Variants in OGFR observed in about 807,000 individuals in gnomAD.
OGFR encodes the protein protein 7-60.
Under a neutral mutation model 33.6 loss-of-function variants are expected in OGFR, and 18 were observed. The ratio of observed to expected loss-of-function variants is 0.54; its 90% CI spans 0.37 to 0.80. The LOEUF (loss-of-function observed/expected upper bound fraction) is 0.80. Among genes scored for constraint, OGFR ranks in the 30% least tolerant of loss-of-function variants. The pLI, the probability that OGFR is intolerant of heterozygous loss-of-function variation, is 0.00. For missense variants in OGFR, 877 were observed against 955.8 expected, an observed-to-expected ratio of 0.92 and a Z score of 1.09; for synonymous variants, 370 against 400.7, an observed-to-expected ratio of 0.92 and a Z score of 0.91.
rs767179485 is a variant in OGFR, at chr20:62,813,783, TGG to T, written c.*137_*138del. ...CATGACCCACAGTGCTGGCCTCCTG[TGG>T]GGCCACTATAGCAGCCACCAGAAGC... is the stretch of plus-strand genomic sequence containing the variant. On this transcript the variant is annotated 3_prime_UTR_variant, in exon 7 of 7. Transcript: ENST00000290291. The T allele has an allele frequency of 3.1e-5, 33 of 1,075,844 alleles. No homozygotes were observed. Among genetic ancestry groups the T allele is most frequent in the Middle Eastern group, 2.8e-4 (1 of 3,554 alleles). 66.6% of individuals were successfully genotyped at this position (1,075,844 alleles called of 1,614,324 possible). A position where few individuals can be genotyped will look rare whatever the true frequency, so the allele number is the denominator to read the frequency against.
Position 62,812,468 on chromosome 20 carries a change from G to A in OGFR, c.853G>A (p.Val285Ile), listed in dbSNP as rs376284025. The change falls in exon 7 of 7, where the codon GTC becomes ATC. Residue 285 changes from valine (V) to isoleucine (I), a missense_variant. Transcript: ENST00000290291. ...GCACTTCCGGCCCCGCTGCAAGTTC[G>A]TCTGGGGGCCCCAAGACAAGCTGCG... ...WEHFRPRCKF[V>I]WGPQDKLRRF... The A allele has an allele frequency of 1.6e-4, 258 of 1,579,048 alleles. No individual in the cohort carries two copies. Among genetic ancestry groups the A allele is most frequent in the East Asian group, 2.1e-4 (9 of 43,048 alleles).
chr20:62,807,649 G>C, intron 2 of OGFR, 44 bp downstream of exon 2: 1 of 1,581,310 alleles, frequency 6.3e-7, no homozygotes, highest in Non-Finnish European at 8.7e-7. Context: ...CCTCCCGCCA[G>C]CTGCTCTTCT....
chr20:62,808,645 A>G (rs1332490343), intron 3 of OGFR, among the ~76,000 whole-genome samples: 3 of 152,208 alleles, frequency 2.0e-5, no homozygotes, highest in African/African-American at 4.8e-5. Flanking sequence ...CCAACGAGCT[A>G]AGGATAGCTT....
At position 62,813,791 on chromosome 20, in the gene OGFR, C is replaced by T. The variant is rs1351104027; in HGVS notation, c.*142C>T. On this transcript the variant is annotated 3_prime_UTR_variant, in exon 7 of 7. Transcript: ENST00000290291. ...ACAGTGCTGGCCTCCTGTGGGGCCACTATAGCAGCCACCAGAAGCCGCGAG... is the reference window on the plus strand; with the variant it reads ...ACAGTGCTGGCCTCCTGTGGGGCCATTATAGCAGCCACCAGAAGCCGCGAG... The T allele has an allele frequency of 2.0e-6, 2 of 986,030 alleles. No individual in the cohort carries two copies. The highest frequency in any genetic ancestry group is 3.3e-5 in the African/African-American group (2 of 61,174). 61.1% of individuals were successfully genotyped at this position (986,030 alleles called of 1,614,324 possible). A position where few individuals can be genotyped will look rare whatever the true frequency, so the allele number is the denominator to read the frequency against.
chr20:62,808,352 C>T (rs773339232), intron 3 of OGFR, 27 bp downstream of exon 3: 100 of 1,573,962 alleles, frequency 6.4e-5, no homozygotes, highest in Admixed American at 1.3e-4. Flanking sequence ...CACTGGCAGC[C>T]GGCGCTTCCA....
chr20:62,807,783 C>T, intron 2 of OGFR, 178 bp downstream of exon 2: 5 of 646,220 alleles, frequency 7.7e-6, no homozygotes, highest in Middle Eastern at 4.2e-4. Flanking sequence ...CCCTTCCCCT[C>T]TCGCGGGAGA....
Position 62,810,547 on chromosome 20 carries a change from C to T in OGFR, c.447C>T (p.Leu149=). Residue 149 remains leucine, a synonymous_variant, in exon 5 of 7, where the codon CTC becomes CTT. Transcript: ENST00000290291. ...EPGVNWHAKP[L]TLREVEVFKS... ...GAGTGAACTGGCATGCCAAGCCCCT[C>T]ACGCTCAGGGAGGTCGAGGTGAGCC... 1 of 1,613,062 alleles carries T rather than the reference C, an allele frequency of 6.2e-7. No homozygotes were observed. Among genetic ancestry groups the T allele is most frequent in the Non-Finnish European group, 8.5e-7 (1 of 1,179,896 alleles).
In OGFR at chr20:62,813,332, G is replaced by A. The variant is rs1600779182; in HGVS notation, c.1717G>A (p.Glu573Lys). Residue 573 changes from glutamate (E) to lysine (K), a missense_variant, in exon 7 of 7, where the codon GAG becomes AAG. Glu to Lys is a moderately conservative substitution (Grantham distance 56, BLOSUM62 1). Around this residue, in one of 3 missense-constraint regions of OGFR, gnomAD observed 72 missense variants for 181.8 expected, o/e 0.40. Coordinates refer to ENST00000290291, the MANE Select transcript of OGFR (RefSeq NM_007346.4). ...CCGCCCGGCAGGACCTGCAGGGGAC[G>A]AGCCAGCCGAGAGCCCATCGGAGAC... The part of the protein sequence containing the change: ...GPRPAGPAGD[E>K]PAESPSETPG... 3.5e-6 allele frequency: 5 copies of A among 1,417,574 alleles called. No homozygotes were observed. The highest frequency in any genetic ancestry group is 3.8e-6 in the Non-Finnish European group (4 of 1,060,268). The allele number at this position is 1,417,574 out of a possible 1,614,324, so 87.8% of individuals were successfully genotyped here.
chr20:62,813,127 A>G lies in OGFR; in HGVS notation c.1512A>G (p.Thr504=), dbSNP rs1990776387. Residue 504 remains threonine, a synonymous_variant, in exon 7 of 7, where the codon ACA becomes ACG. Coordinates refer to ENST00000290291, the MANE Select transcript of OGFR (RefSeq NM_007346.4). ...GHSENGVEED[T]EGRTGPKEGT... ...GTGAGAACGGGGTTGAGGAGGACAC[A>G]GAAGGTCGAACGGGGCCCAAAGAAG... 1 of 1,579,992 alleles carries G rather than the reference A, an allele frequency of 6.3e-7. No homozygotes were observed. The highest frequency in any genetic ancestry group is 8.6e-7 in the Non-Finnish European group (1 of 1,163,048).
chr20:62,808,704 T>G (rs1990652859), intron 3 of OGFR, among the ~76,000 whole-genome samples: 3 of 152,152 alleles, frequency 2.0e-5, no homozygotes, highest in African/African-American at 7.2e-5. Context: ...CCGGGCCTGG[T>G]GGCTCACGCT....
intron 5 of OGFR, 96 bp from the exon 6 acceptor site, chr20:62,811,366 A>C: frequency 7.6e-7 from 1 of 1,314,250 alleles, no homozygotes; most frequent in Non-Finnish European, 1.1e-6. Context: ...TGTCTAGTCC[A>C]GGCCTCTGAG....
chr20:62,808,098 C>G, intron 2 of OGFR, 149 bp from the exon 3 acceptor site: 1 of 735,750 alleles, frequency 1.4e-6, no homozygotes, highest in Non-Finnish European at 2.5e-6. Context: ...TCTGAATGGC[C>G]CCCACCTGCA....
chr20:62,806,815 A>G (rs1990603667), intron 1 of OGFR: 1 of 152,374 alleles, frequency 6.6e-6, no homozygotes, highest in Non-Finnish European at 1.5e-5. Flanking sequence ...CACCATCCTC[A>G]TCACTAGGTA....
Position 62,804,856 on chromosome 20 carries a change from G to C in OGFR, c.-4G>C. On this transcript the variant is annotated 5_prime_UTR_variant, in exon 1 of 7. Coordinates refer to ENST00000290291, the MANE Select transcript of OGFR (RefSeq NM_007346.4). ...CTCCAGCGCGAGCCCCGCCGCCGCC[G>C]AGCATGGACGACCCCGACTGCGACT... 3 of 1,267,514 alleles carry C rather than the reference G, an allele frequency of 2.4e-6. No individual in the cohort carries two copies. Among genetic ancestry groups the C allele is most frequent in the Non-Finnish European group, 3.1e-6 (3 of 980,954 alleles). The allele number at this position is 1,267,514 out of a possible 1,614,324, so 78.5% of individuals were successfully genotyped here.
In OGFR at chr20:62,807,739, C is replaced by T. The variant is rs1209592577; in HGVS notation, c.240+134C>T. The stretch of plus-strand genomic sequence containing the variant: ...GCCACAGTTCTGGGCAGGACCCTGC[C>T]TGGGGCACAGCCTGGTATAGATTCA... On this transcript the variant is annotated intron_variant, in intron 2 of 6. Transcript: ENST00000290291. The T allele has an allele frequency of 3.5e-6, 3 of 851,518 alleles. No homozygotes were observed. In the African/African-American group the frequency reaches 5.1e-5, roughly 14 times the overall value. The allele number at this position is 851,518 out of a possible 1,614,324, so 52.7% of individuals were successfully genotyped here.
In OGFR at chr20:62,812,607, G is replaced by A. The variant is rs772678220; in HGVS notation, c.992G>A (p.Gly331Glu). The change falls in exon 7 of 7, where the codon GGG becomes GAG. Residue 331 changes from glycine (G) to glutamate (E), a missense_variant. Physicochemically the swap from Gly to Glu is moderately conservative, Grantham distance 98 (BLOSUM62 -2). Coordinates refer to ENST00000290291, the MANE Select transcript of OGFR (RefSeq NM_007346.4). The part of the protein sequence containing the change: ...HEASTQGRTC[G>E]PEHSKGGGRV... ...GCCAGCACCCAGGGTCGGACCTGTG[G>A]GCCAGAGCATAGCAAGGGTGGGGGC... The A allele has an allele frequency of 1.7e-5, 27 of 1,564,372 alleles. No homozygotes were observed. In the African/African-American group the frequency reaches 3.4e-4, roughly 20 times the overall value.
intron 1 of OGFR, chr20:62,805,387 C>G (rs1023150833): frequency 6.5e-6 from 1 of 154,776 alleles, no homozygotes; most frequent in Non-Finnish European, 1.4e-5. Context: ...GCGCAGGCCC[C>G]GCGGCCTGGG....
chr20:62,805,162 C>G (rs1057202797), intron 1 of OGFR, 132 bp downstream of exon 1: 2 of 630,180 alleles, frequency 3.2e-6, no homozygotes, highest in Non-Finnish European at 4.6e-6. Context: ...CGGGGACCCC[C>G]CCCCAGACCG....
intron 1 of OGFR, 34 bp from the exon 2 acceptor site, chr20:62,807,503 A>C (rs1168775005): frequency 6.2e-7 from 1 of 1,603,890 alleles, no homozygotes; most frequent in African/African-American, 1.3e-5. Context: ...GGGGTCTCCC[A>C]TGGGGGTCCT....
Sources: allele counts gnomAD v4.1 joint callset (sites outside exome capture counted in the v4.1 genomes callset), GRCh38; gene constraint gnomAD v4.1.1; regional missense constraint gnomAD v4.1.1; transcripts MANE v1.5; gene names NCBI Gene and HGNC (gene_info 2026-07-23, HGNC 2026-07-21).